The following EYA1 variants were observed in gnomAD, a reference collection of about 807,000 sequenced individuals.
EYA1 encodes the protein EYA transcriptional coactivator and phosphatase 1.
EYA1 carries 16 observed loss-of-function variants against 82.0 expected under a neutral mutation model. That is an observed-to-expected ratio of 0.20 (90% CI 0.13 to 0.30). The LOEUF (loss-of-function observed/expected upper bound fraction) is 0.30. EYA1 is among the 10% of genes least tolerant of loss of function. The pLI, the probability that EYA1 is intolerant of heterozygous loss-of-function variation, is 1.00. For synonymous variants in EYA1, 261 were observed against 264.4 expected (o/e 0.99, Z 0.12); for missense variants, 633 against 730.7 (o/e 0.87, Z 1.54).
intron 7 of EYA1, among the ~76,000 whole-genome samples, chr8:71,307,424 C>A (rs1032862793): frequency 1.3e-5 from 2 of 152,128 alleles, no homozygotes; most frequent in African/African-American, 2.4e-5. Context: ...CGTGCCTCAG[C>A]CTCTTGAGTA....
chr8:71,406,962 T>C (rs185695560), intron 2 of EYA1, among the ~76,000 whole-genome samples: 2,941 of 138,902 alleles, frequency 0.021, 56 homozygotes, highest in Middle Eastern at 0.054. Flanking sequence ...CTCTGCAGAC[T>C]TAAATGTCCC....
At chr8:71,205,529 A>G (rs1415950747) in intron 17 of EYA1, among the ~76,000 whole-genome samples, 1 of 152,098 alleles carries the variant, frequency 6.6e-6, no homozygotes, top group Non-Finnish European at 1.5e-5. Context: ...GCACTCACAC[A>G]AACTCCTGCA....
intron 12 of EYA1, among the ~76,000 whole-genome samples, chr8:71,242,562 T>C (rs1368422273): frequency 1.3e-5 from 2 of 152,178 alleles, no homozygotes; most frequent in African/African-American, 4.8e-5. Context: ...ATACATCTCC[T>C]ATACCCTAAA....
intron 3 of EYA1, among the ~76,000 whole-genome samples, chr8:71,341,379 C>T (rs1196594138): frequency 1.3e-5 from 2 of 152,046 alleles, no homozygotes; most frequent in Non-Finnish European, 1.5e-5. Flanking sequence ...CTTTCTCAAA[C>T]CATGAGGCAG....
chr8:71,483,014 G>A (rs149093170), intron 2 of EYA1, among the ~76,000 whole-genome samples: 17 of 152,264 alleles, frequency 1.1e-4, no homozygotes, highest in African/African-American at 3.9e-4. Flanking sequence ...TTGGTCACCT[G>A]ATTCTCTGAA....
chr8:71,485,670 T>A (rs1479460497), intron 2 of EYA1, among the ~76,000 whole-genome samples: 1 of 152,054 alleles, frequency 6.6e-6, no homozygotes. Flanking sequence ...TATATTGTAT[T>A]TTTTTTAAGT....
intron 11 of EYA1, among the ~76,000 whole-genome samples, chr8:71,265,700 A>G (rs762514426): frequency 6.6e-6 from 1 of 152,260 alleles, no homozygotes; most frequent in Non-Finnish European, 1.5e-5. Context: ...AGACCATTCA[A>G]TGAAAAATAA....
intron 2 of EYA1, among the ~76,000 whole-genome samples, chr8:71,519,935 A>C (rs1813262003): frequency 6.6e-6 from 1 of 152,216 alleles, no homozygotes; most frequent in Admixed American, 6.5e-5. Flanking sequence ...AGAAGAAATA[A>C]ATGGTGATAA....
chr8:71,334,029 G>T, intron 4 of EYA1, 68 bp downstream of exon 4: 1 of 1,041,930 alleles, frequency 9.6e-7, no homozygotes, highest in Non-Finnish European at 1.5e-6. Flanking sequence ...ACATACACAG[G>T]GACATTACAT....
intron 2 of EYA1, among the ~76,000 whole-genome samples, chr8:71,511,392 G>A (rs1050238761): frequency 2.6e-5 from 4 of 152,200 alleles, no homozygotes; most frequent in Non-Finnish European, 5.9e-5. Context: ...TTGGCAATGA[G>A]ACAAGACTAT....
chr8:71,214,833 T>G (rs1808977704), intron 16 of EYA1, among the ~76,000 whole-genome samples: 1 of 152,238 alleles, frequency 6.6e-6, no homozygotes, highest in Admixed American at 6.5e-5. Flanking sequence ...CATGTCTTTT[T>G]ATTCCTATGT....
At chr8:71,361,347 T>C (rs185931848) in intron 1 of EYA1, among the ~76,000 whole-genome samples, 4 of 152,358 alleles carry the variant, frequency 2.6e-5, no homozygotes, top group Admixed American at 1.3e-4. Flanking sequence ...TGCAAGAATA[T>C]GGTCCTGCAT....
intron 2 of EYA1, among the ~76,000 whole-genome samples, chr8:71,378,767 C>T (rs1192046715): frequency 6.6e-6 from 1 of 151,998 alleles, no homozygotes; most frequent in African/African-American, 2.4e-5. Context: ...TTTACTACAT[C>T]CTAAAGTCAT....
intron 2 of EYA1, among the ~76,000 whole-genome samples, chr8:71,435,999 C>A (rs553930518): frequency 8.5e-5 from 13 of 152,064 alleles, no homozygotes; most frequent in Admixed American, 6.5e-4. Flanking sequence ...AATTTTGGTC[C>A]TTTAAATATT....
intron 9 of EYA1, among the ~76,000 whole-genome samples, chr8:71,288,274 T>G (rs190523884): frequency 5.5e-4 from 84 of 152,306 alleles, no homozygotes; most frequent in African/African-American, 1.9e-3. Flanking sequence ...TTAAATATGA[T>G]AACTTGTATC....
At chr8:71,332,206 A>G (rs775532920) in intron 4 of EYA1, among the ~76,000 whole-genome samples, 2 of 152,048 alleles carry the variant, frequency 1.3e-5, no homozygotes, top group Non-Finnish European at 2.9e-5. Flanking sequence ...TGCCCATGTC[A>G]TATATATTAG....
intron 2 of EYA1, among the ~76,000 whole-genome samples, chr8:71,418,256 A>G (rs1830959300): frequency 6.6e-6 from 1 of 152,198 alleles, no homozygotes; most frequent in South Asian, 2.1e-4. Context: ...TTTGGTTCGC[A>G]CGGTGTTTTT....
In EYA1 at chr8:71,333,979, G is replaced by A. The variant is rs1397469193; in HGVS notation, c.202+118C>T. The A allele has an allele frequency of 4.7e-5, 35 of 743,574 alleles. 1 individual carries two copies. Among genetic ancestry groups the A allele is most frequent in the Admixed American group, 2.5e-4 (13 of 51,052 alleles). 46.1% of individuals were successfully genotyped at this position (743,574 alleles called of 1,614,324 possible). On this transcript the variant is annotated intron_variant, in intron 4 of 17. Coordinates refer to ENST00000340726, the MANE Select transcript of EYA1 (RefSeq NM_000503.6). ...TTTATATGTATATATACATAAGTAC[G>A]TATATACCCACATATATACACATAT...
chr8:71,483,890 G>C (rs577863231), intron 2 of EYA1, among the ~76,000 whole-genome samples: 2 of 152,114 alleles, frequency 1.3e-5, no homozygotes, highest in African/African-American at 4.8e-5. Context: ...GGAAACAAAG[G>C]GTCAATCAGA....
Sources: allele counts gnomAD v4.1 joint callset (sites outside exome capture counted in the v4.1 genomes callset), GRCh38; gene constraint gnomAD v4.1.1; transcripts MANE v1.5; gene names NCBI Gene and HGNC (gene_info 2026-07-23, HGNC 2026-07-21).